Variants in ZDHHC11B observed in about 807,000 individuals in gnomAD.
ZDHHC11B encodes zDHHC palmitoyltransferase 11B (putative), also known as probable palmitoyltransferase ZDHHC11B.
In ZDHHC11B, 17 loss-of-function variants were observed where a neutral mutation model predicts 42.3. The observed-to-expected ratio is 0.40, with a 90% CI of 0.27 to 0.60. ZDHHC11B has a LOEUF of 0.60. Among genes scored for constraint, ZDHHC11B ranks in the 20% least tolerant of loss-of-function variants. The pLI is 0.41. For synonymous variants in ZDHHC11B, 123 were observed against 193.5 expected, an observed-to-expected ratio of 0.64 and a Z score of 3.02; for missense variants, 262 against 463.2, an observed-to-expected ratio of 0.57 and a Z score of 3.99.
chr5:761,888 C>G (rs1734668424), intron 4 of ZDHHC11B, among the ~76,000 whole-genome samples: 5 of 151,664 alleles, frequency 3.3e-5, no homozygotes, highest in African/African-American at 1.2e-4. Flanking sequence ...CCCAGACAGC[C>G]ACTCACAGCC....
rs542789719 is a variant in ZDHHC11B at position 777,547 on chromosome 5, G to A, written c.-230+7121C>T. Among the ~76,000 whole-genome samples the A allele has an allele frequency of 1.5e-4, 23 of 151,990 alleles. No individual in the cohort carries two copies. In the East Asian group the frequency reaches 2.1e-3, roughly 14 times the overall value. On this transcript the variant is annotated intron_variant, in intron 1 of 13. Coordinates refer to ENST00000508859, the MANE Select transcript of ZDHHC11B (RefSeq NM_001351303.2). ...CACAGCGGAGAAGAGAATGGAGTCA[G>A]GTTGCGGCAGGGCGTTCCGGCTACC...
chr5:758,817 G>A (rs1448093186), intron 4 of ZDHHC11B, among the ~76,000 whole-genome samples: 1 of 151,940 alleles, frequency 6.6e-6, no homozygotes, highest in African/African-American at 2.4e-5. Context: ...ACTTTGGCCA[G>A]CGAGGTCCGC....
Position 710,573 on chromosome 5 carries a change from C to CTGTGCTCCCATTTCCCAGTACTG in ZDHHC11B, c.*1716_*1717insCAGTACTGGGAAATGGGAGCACA, listed in dbSNP as rs1554025974. ...AGTACTATGCTCCCATTTCCCAGTA[C>CTGTGCTCCCATTTCCCAGTACTG]TGTGCTCCCATTTCACAGTACTGTG... On this transcript the variant is annotated 3_prime_UTR_variant, in exon 14 of 14. Coordinates refer to ENST00000508859, the MANE Select transcript of ZDHHC11B (RefSeq NM_001351303.2). 2.2e-4 allele frequency: 19 copies of CTGTGCTCCCATTTCCCAGTACTG among 86,958 alleles called. 1 individual carries two copies. Among genetic ancestry groups the CTGTGCTCCCATTTCCCAGTACTG allele is most frequent in the Admixed American group, 7.5e-4 (6 of 8,034 alleles). 5.4% of individuals were successfully genotyped at this position (86,958 alleles called of 1,614,324 possible).
At chr5:770,396 G>T (rs13178286) in intron 1 of ZDHHC11B, among the ~76,000 whole-genome samples, 1 of 147,934 alleles carries the variant, frequency 6.8e-6, no homozygotes, top group Non-Finnish European at 1.5e-5. Context: ...CCAGCAGCAC[G>T]CAGAGCCCAG....
chr5:725,014 G>A (rs1278528425), intron 12 of ZDHHC11B, among the ~76,000 whole-genome samples: 2 of 149,710 alleles, frequency 1.3e-5, no homozygotes, highest in African/African-American at 5.0e-5. Context: ...CCTGTAGATG[G>A]TGAGCCTGTG....
At chr5:730,904 C>A (rs527822906) in intron 11 of ZDHHC11B, among the ~76,000 whole-genome samples, 1 of 151,848 alleles carries the variant, frequency 6.6e-6, no homozygotes. Flanking sequence ...AGGAGAGAGG[C>A]CTTGGGAGAA....
At chr5:750,893 G>A (rs976782954) in intron 7 of ZDHHC11B, among the ~76,000 whole-genome samples, 8 of 123,718 alleles carry the variant, frequency 6.5e-5, no homozygotes, top group African/African-American at 2.1e-4. Context: ...ACACGACCTG[G>A]CAGCATCTAC....
At chr5:781,292 ACCT>A (rs147354375) in intron 1 of ZDHHC11B, among the ~76,000 whole-genome samples, 1,825 of 21,628 alleles carry the variant, frequency 0.084, 3 homozygotes, top group African/African-American at 0.17. Flanking sequence ...GTTTGAAGCC[ACCT>A]CCATACCCCA....
In ZDHHC11B at chr5:720,033, G is replaced by C. The variant is rs952683243; in HGVS notation, c.1059-3168C>G. ...TATACAGGGTTTGGTACTATCTACAGTTTCAGATACTTACTGAGAGTCTTG... is the reference window on the plus strand; with the variant it reads ...TATACAGGGTTTGGTACTATCTACACTTTCAGATACTTACTGAGAGTCTTG... On this transcript the variant is annotated intron_variant, in intron 12 of 13. Transcript: ENST00000508859. Among the ~76,000 whole-genome samples, 10 of 151,740 alleles carry C rather than the reference G, an allele frequency of 6.6e-5. 1 individual carries two copies. Among genetic ancestry groups the C allele is most frequent in the African/African-American group, 2.4e-4 (10 of 41,176 alleles).
intron 4 of ZDHHC11B, among the ~76,000 whole-genome samples, chr5:759,430 G>A (rs1407906464): frequency 2.0e-5 from 3 of 151,936 alleles, no homozygotes; most frequent in African/African-American, 7.3e-5. Flanking sequence ...CACTGAAGGC[G>A]CCGCGCCACT....
At chr5:721,248 A>T (rs1742161310) in intron 12 of ZDHHC11B, among the ~76,000 whole-genome samples, 1 of 150,612 alleles carries the variant, frequency 6.6e-6, no homozygotes, top group African/African-American at 2.4e-5. Context: ...CATTACAAAC[A>T]TTCAACTAAA....
chr5:784,560 G>A (rs1008676894), intron 1 of ZDHHC11B, among the ~76,000 whole-genome samples, 108 bp downstream of exon 1: 491 of 151,346 alleles, frequency 3.2e-3, no homozygotes, highest in Admixed American at 0.032. Flanking sequence ...GGGGAGCGCG[G>A]GGGGCAGGGG....
At chr5:759,034 T>TA (rs1342994484) in intron 4 of ZDHHC11B, among the ~76,000 whole-genome samples, 1 of 151,946 alleles carries the variant, frequency 6.6e-6, no homozygotes, top group African/African-American at 2.4e-5. Context: ...TCTCTGCTTC[T>TA]ACTTTCACGT....
intron 7 of ZDHHC11B, among the ~76,000 whole-genome samples, chr5:750,619 G>A (rs1463806624): frequency 3.9e-5 from 5 of 128,208 alleles, no homozygotes; most frequent in African/African-American, 1.0e-4. Flanking sequence ...AGTCCTCACC[G>A]CCACGTCTCT....
Position 760,816 on chromosome 5 carries a change from C to T in ZDHHC11B, c.223-4672G>A, listed in dbSNP as rs200838314. ...ACTCCGGACTGGCAGGGGCAGTGAC[C>T]CGGCCCACCCTCCCAAGGAACCGCT... On this transcript the variant is annotated intron_variant, in intron 4 of 13. Coordinates refer to ENST00000508859, the MANE Select transcript of ZDHHC11B (RefSeq NM_001351303.2). 1.6e-4 allele frequency among the ~76,000 whole-genome samples: 24 copies of T among 151,816 alleles called. 1 individual carries two copies. In the East Asian group the frequency reaches 4.5e-3, roughly 28 times the overall value.
chr5:743,279 G>C (rs926408591), intron 9 of ZDHHC11B, among the ~76,000 whole-genome samples: 76 of 149,560 alleles, frequency 5.1e-4, no homozygotes, highest in Non-Finnish European at 1.5e-4. Context: ...CTCTCTCTAT[G>C]TCAGCGCCAC....
At chr5:716,906 T>C (rs1242662653) in intron 12 of ZDHHC11B, 41 bp from the exon 13 acceptor site, 1 of 1,612,180 alleles carries the variant, frequency 6.2e-7, no homozygotes, top group Non-Finnish European at 8.5e-7. Flanking sequence ...AGAGAACGTA[T>C]GATGTAATAC....
At chr5:718,304 C>T (rs1341623035) in intron 12 of ZDHHC11B, among the ~76,000 whole-genome samples, 3 of 151,656 alleles carry the variant, frequency 2.0e-5, no homozygotes, top group African/African-American at 7.3e-5. Flanking sequence ...AACCATTGAG[C>T]TATAAAGAGC....
intron 11 of ZDHHC11B, 89 bp downstream of exon 11, chr5:733,663 C>T: frequency 3.4e-6 from 4 of 1,170,462 alleles, no homozygotes; most frequent in East Asian, 2.4e-5. Flanking sequence ...ATTCTGAATA[C>T]TGCCTTAACC....
Sources: gnomAD v4.1 joint callset for allele counts (sites outside exome capture counted in the v4.1 genomes callset) on GRCh38, gnomAD v4.1.1 for gene constraint, MANE v1.5 for transcripts, NCBI Gene and HGNC (gene_info 2026-07-23, HGNC 2026-07-21) for gene names.